Variants in SUCLG1 observed in about 807,000 individuals in gnomAD.
The protein encoded by SUCLG1 is succinate-CoA ligase GDP/ADP-forming subunit alpha, also known as succinate--CoA ligase [ADP/GDP-forming] subunit alpha, mitochondrial.
Under a neutral mutation model 37.3 loss-of-function variants are expected in SUCLG1, and 26 were observed. The ratio of observed to expected loss-of-function variants is 0.70; its 90% confidence interval spans 0.51 to 0.97. SUCLG1 has a LOEUF of 0.97. SUCLG1 is among the 50% of genes least tolerant of loss of function. The pLI is 0.00. For synonymous variants in SUCLG1, 163 were observed against 155.6 expected, an observed-to-expected ratio of 1.05 and a Z score of -0.36; for missense variants, 433 against 432.9, an observed-to-expected ratio of 1.00 and a Z score of 0.00.
chr2:84,443,626 GCTGATAACCA>G (rs1482980177), intron 2 of SUCLG1, among the ~76,000 whole-genome samples: 2 of 152,046 alleles, frequency 1.3e-5, no homozygotes, highest in Non-Finnish European at 2.9e-5. Context: ...TTCAAACTTG[GCTGATAACCA>G]GAAACTCCCT....
chr2:84,424,200 TACAAGGATTTGA>T (rs1672497451), intron 8 of SUCLG1, among the ~76,000 whole-genome samples: 1 of 152,216 alleles, frequency 6.6e-6, no homozygotes, highest in Admixed American at 6.5e-5. Context: ...GACAGATTGT[TACAAGGATTTGA>T]ACAAAATGTC....
At chr2:84,442,051 G>C (rs1672781989) in intron 3 of SUCLG1, among the ~76,000 whole-genome samples, 1 of 151,778 alleles carries the variant, frequency 6.6e-6, no homozygotes, top group African/African-American at 2.4e-5. Flanking sequence ...TGTAAGAGCA[G>C]AACGGGTGAA....
In SUCLG1 at chr2:84,445,840, C is replaced by T. The variant is rs75257831; in HGVS notation, c.202-2440G>A. On this transcript the variant is annotated intron_variant, in intron 2 of 8. Coordinates refer to ENST00000393868, the MANE Select transcript of SUCLG1 (RefSeq NM_003849.4). ...TCTGGTCAAAACATAATGAAGATCA[C>T]GGCACTCCTCTAATCAAACACTCTG... Among the ~76,000 whole-genome samples the T allele has an allele frequency of 2.3e-3, 353 of 152,302 alleles. 2 individuals carry two copies. Among genetic ancestry groups the T allele is most frequent in the African/African-American group, 8.3e-3 (343 of 41,554 alleles).
At chr2:84,453,484 G>A (rs1207717188) in intron 1 of SUCLG1, among the ~76,000 whole-genome samples, 2 of 151,620 alleles carry the variant, frequency 1.3e-5, no homozygotes, top group Non-Finnish European at 2.9e-5. Context: ...GCACGATCCC[G>A]GCTCACTGCA....
rs1476188959 is a variant in SUCLG1, at chr2:84,423,598, A to ATCT, written c.*145_*147dup. ...TGGTGAAAACATCTTAATTCAGGAC[A>ATCT]TCTTCCACCTTGTTTTGGCTTCCAG... On this transcript the variant is annotated 3_prime_UTR_variant, in exon 9 of 9. Coordinates refer to ENST00000393868, the MANE Select transcript of SUCLG1 (RefSeq NM_003849.4). 5.3e-6 allele frequency: 4 copies of ATCT among 752,006 alleles called. No homozygotes were observed. Among genetic ancestry groups the ATCT allele is most frequent in the Non-Finnish European group, 9.4e-6 (4 of 424,556 alleles). The allele number at this position is 752,006 out of a possible 1,614,324, so 46.6% of individuals were successfully genotyped here. A position where few individuals can be genotyped will look rare whatever the true frequency, so the allele number is the denominator to read the frequency against.
chr2:84,453,900 G>A (rs1672981382), intron 1 of SUCLG1, among the ~76,000 whole-genome samples: 1 of 152,204 alleles, frequency 6.6e-6, no homozygotes, highest in African/African-American at 2.4e-5. Flanking sequence ...CATCATCGCA[G>A]GAATCAGACA....
chr2:84,443,350 T>G lies in SUCLG1; in HGVS notation c.252A>C (p.Gly84=), dbSNP rs1186548305. 4 of 1,614,054 alleles carry G rather than the reference T, an allele frequency of 2.5e-6. No individual in the cohort carries two copies. Among genetic ancestry groups the G allele is most frequent in the Non-Finnish European group, 8.5e-7 (1 of 1,180,002 alleles). Reference sequence around the variant, plus strand: ...GGCCTCCTTTCCCTGGAGTGGTTCCTCCAACGAGTTTGGTGCCATATTCCA... The same window carrying G: ...GGCCTCCTTTCCCTGGAGTGGTTCCGCCAACGAGTTTGGTGCCATATTCCA... The part of the protein sequence containing the change: ...QALEYGTKLV[G]GTTPGKGGQT... Residue 84 remains glycine, a synonymous_variant, in exon 3 of 9, where the codon GGA becomes GGC. Coordinates refer to ENST00000393868, the MANE Select transcript of SUCLG1 (RefSeq NM_003849.4).
At chr2:84,434,933 C>A (rs992946857) in intron 5 of SUCLG1, among the ~76,000 whole-genome samples, 1 of 152,170 alleles carries the variant, frequency 6.6e-6, no homozygotes, top group Admixed American at 6.5e-5. Flanking sequence ...ATGGTGTGTA[C>A]GTAACTTAGT....
intron 8 of SUCLG1, 63 bp downstream of exon 8, chr2:84,425,352 A>G (rs1411357076): frequency 1.9e-6 from 3 of 1,589,124 alleles, no homozygotes; most frequent in Non-Finnish European, 2.6e-6. Context: ...CCAGGTATCC[A>G]GTGTGGCCAC....
intron 5 of SUCLG1, among the ~76,000 whole-genome samples, chr2:84,440,385 AC>A (rs1672749601): frequency 6.6e-6 from 1 of 151,600 alleles, no homozygotes. Context: ...AAAAATGAAG[AC>A]TAACAATACC....
intron 6 of SUCLG1, among the ~76,000 whole-genome samples, chr2:84,432,053 A>G (rs1048140180): frequency 6.6e-6 from 1 of 152,210 alleles, no homozygotes; most frequent in South Asian, 2.1e-4. Flanking sequence ...GAAAGAATAA[A>G]CATTTAACAA....
At chr2:84,438,924 C>A (rs576274711) in intron 5 of SUCLG1, among the ~76,000 whole-genome samples, 1 of 152,148 alleles carries the variant, frequency 6.6e-6, no homozygotes, top group Non-Finnish European at 1.5e-5. Flanking sequence ...CAGCAGGACA[C>A]GGGCAGGGGA....
intron 1 of SUCLG1, among the ~76,000 whole-genome samples, chr2:84,456,975 T>A (rs1005893747): frequency 6.6e-6 from 1 of 152,184 alleles, no homozygotes; most frequent in Admixed American, 6.5e-5. Context: ...TTTCCTTTTT[T>A]CATAAGCTAT....
intron 2 of SUCLG1, among the ~76,000 whole-genome samples, chr2:84,448,364 T>C (rs1672882571): frequency 6.6e-6 from 1 of 152,020 alleles, no homozygotes. Context: ...TTTTGAGTAG[T>C]TGTAACACAG....
intron 1 of SUCLG1, among the ~76,000 whole-genome samples, chr2:84,452,934 G>C (rs1021756712): frequency 1.3e-5 from 2 of 152,080 alleles, no homozygotes; most frequent in African/African-American, 4.8e-5. Context: ...AGTCAATCTT[G>C]AACTCCCACG....
At chr2:84,438,251 A>T (rs72937132) in intron 5 of SUCLG1, among the ~76,000 whole-genome samples, 9,136 of 152,314 alleles carry the variant, frequency 0.06, 612 homozygotes, top group African/African-American at 0.16. Context: ...TTACAACTAC[A>T]CATGAATTTA....
chr2:84,454,637 T>C (rs1299549027), intron 1 of SUCLG1, among the ~76,000 whole-genome samples: 1 of 151,984 alleles, frequency 6.6e-6, no homozygotes, highest in Non-Finnish European at 1.5e-5. Context: ...AAAACAAAAC[T>C]ACCAACAGTA....
At chr2:84,444,159 G>A (rs532016881) in intron 2 of SUCLG1, among the ~76,000 whole-genome samples, 2 of 152,268 alleles carry the variant, frequency 1.3e-5, no homozygotes, top group East Asian at 3.9e-4. Flanking sequence ...GGCTTCTGGG[G>A]CTTGACTTCC....
In SUCLG1 at chr2:84,443,356, G is replaced by A. The variant is rs749172618; in HGVS notation, c.246C>T (p.Leu82=). 8.1e-6 allele frequency: 13 copies of A among 1,614,018 alleles called. No homozygotes were observed. Among genetic ancestry groups the A allele is most frequent in the Middle Eastern group, 1.6e-4 (1 of 6,084 alleles). ...SQQALEYGTK[L]VGGTTPGKGG... is the part of the protein sequence containing the mutation. ...CTTTCCCTGGAGTGGTTCCTCCAACGAGTTTGGTGCCATATTCCAATGCCT... is the reference window on the plus strand; with the variant it reads ...CTTTCCCTGGAGTGGTTCCTCCAACAAGTTTGGTGCCATATTCCAATGCCT... The change falls in exon 3 of 9, where the codon CTC becomes CTT. Residue 82 remains leucine (L), a synonymous_variant. Coordinates refer to ENST00000393868, the MANE Select transcript of SUCLG1 (RefSeq NM_003849.4).
Sources: allele counts gnomAD v4.1 joint callset (sites outside exome capture counted in the v4.1 genomes callset), GRCh38; gene constraint gnomAD v4.1.1; transcripts MANE v1.5; gene names NCBI Gene and HGNC (gene_info 2026-07-23, HGNC 2026-07-21).